OSBPL3: variants seen among roughly 807,000 people sequenced by gnomAD.
OSBPL3 encodes the protein oxysterol binding protein like 3.
Under a neutral mutation model 120.1 loss-of-function variants are expected in OSBPL3, and 65 were observed. The observed-to-expected ratio is 0.54, with a 90% CI of 0.44 to 0.67. The LOEUF is 0.67. OSBPL3 is among the 30% of genes least tolerant of loss of function. The pLI is 0.00. For synonymous variants in OSBPL3, 416 were observed against 402.6 expected, an observed-to-expected ratio of 1.03 and a Z score of -0.40; for missense variants, 1,004 against 1,082.1, an observed-to-expected ratio of 0.93 and a Z score of 1.01.
chr7:24,841,751 A>G (rs912381986), intron 13 of OSBPL3, among the ~76,000 whole-genome samples: 2 of 147,658 alleles, frequency 1.4e-5, no homozygotes, highest in Non-Finnish European at 3.0e-5. Context: ...CACGCCTGTA[A>G]TCCCAGCACT....
intron 1 of OSBPL3, among the ~76,000 whole-genome samples, chr7:24,962,427 AGAGGAGAGAG>A (rs1174103215): frequency 0.078 from 4,191 of 53,452 alleles, 166 homozygotes; most frequent in Non-Finnish European, 0.092. Context: ...AGGGGAGGGG[AGAGGAGAGAG>A]GAGGAGAGAG....
At chr7:24,892,278 A>G in intron 2 of OSBPL3, 99 bp downstream of exon 2, 1 of 1,221,292 alleles carries the variant, frequency 8.2e-7, no homozygotes, top group Non-Finnish European at 1.2e-6. Flanking sequence ...AATGCTCTTA[A>G]ACTGAGAAGT....
rs1813699007 is a variant in OSBPL3 at position 24,946,121 on chromosome 7, T to G, written c.-150+33765A>C. On this transcript the variant is annotated intron_variant, in intron 1 of 22. Coordinates refer to ENST00000313367, the MANE Select transcript of OSBPL3 (RefSeq NM_015550.4). This position sits in a 1 kb window ranked among gnomAD's most constrained non-coding sequence, Gnocchi z 4.3. Reference sequence around the variant, plus strand: ...GCTCCCTCCCAAGGCTGGTAGTCAATGCCGGCTGTCAGCTGGGAGCTCAGC... The same window carrying G: ...GCTCCCTCCCAAGGCTGGTAGTCAAGGCCGGCTGTCAGCTGGGAGCTCAGC... Among the ~76,000 whole-genome samples, 1 of 151,892 alleles carries G rather than the reference T, an allele frequency of 6.6e-6. No individual in the cohort carries two copies. Among genetic ancestry groups the G allele is most frequent in the Non-Finnish European group, 1.5e-5 (1 of 68,002 alleles).
Position 24,839,991 on chromosome 7 carries a change from C to CA in OSBPL3, c.1495+698dup, listed in dbSNP as rs71675250. On this transcript the variant is annotated intron_variant, in intron 14 of 22. Transcript: ENST00000313367. ...GGGGACAGAAAGAGACTCCATCTCA[C>CA]AAAAAAAAAAAAAAAAAAAAAAAAA... 2.8e-3 allele frequency among the ~76,000 whole-genome samples: 149 copies of CA among 53,294 alleles called. 16 individuals are homozygous for CA. Among genetic ancestry groups the CA allele is most frequent in the South Asian group, 1.0e-2 (11 of 1,102 alleles). 35.0% of individuals were successfully genotyped at this position (53,294 alleles called of 152,430 possible).
In OSBPL3 at chr7:24,947,550, G is replaced by A. The variant is rs1334118404; in HGVS notation, c.-150+32336C>T. 6.6e-6 allele frequency among the ~76,000 whole-genome samples: 1 copy of A among 152,040 alleles called. No homozygotes were observed. The highest frequency in any genetic ancestry group is 1.5e-5 in the Non-Finnish European group (1 of 68,006). On this transcript the variant is annotated intron_variant, in intron 1 of 22. Transcript: ENST00000313367. This position sits in a 1 kb window ranked among gnomAD's most constrained non-coding sequence, Gnocchi z 4.4. ...TCCCTATCAAGAAATGAATTTCAAAGTAACATTTTTAGCATAATATTTAAT... is the reference window on the plus strand; with the variant it reads ...TCCCTATCAAGAAATGAATTTCAAAATAACATTTTTAGCATAATATTTAAT...
Position 24,804,281 on chromosome 7 carries a change from A to G in OSBPL3, c.2567+34T>C. On this transcript the variant is annotated intron_variant, in intron 22 of 22. Transcript: ENST00000313367. This position sits in a 1 kb window ranked among gnomAD's most constrained non-coding sequence, Gnocchi z 5.4. ...GAAGCATAACGTGCTGGCACCACCTATCAACCAAAAACCTACTCAATCCAG... is the reference window on the plus strand; with the variant it reads ...GAAGCATAACGTGCTGGCACCACCTGTCAACCAAAAACCTACTCAATCCAG... The G allele has an allele frequency of 6.2e-7, 1 of 1,613,856 alleles. No homozygotes were observed. Among genetic ancestry groups the G allele is most frequent in the Non-Finnish European group, 8.5e-7 (1 of 1,179,808 alleles).
In OSBPL3 at chr7:24,932,604, A is replaced by C. The variant is rs1195806285; in HGVS notation, c.-149-39983T>G. ...CCCACAGAGCTGCCTTGTCCCTTCC[A>C]CCCTGTGAGCACACAGCAAAAAGGC... On this transcript the variant is annotated intron_variant, in intron 1 of 22. Transcript: ENST00000313367. The surrounding 1 kb of genome is among the most constrained non-coding windows in gnomAD (Gnocchi z 5.6). Among the ~76,000 whole-genome samples the C allele has an allele frequency of 1.3e-5, 2 of 152,108 alleles. No individual in the cohort carries two copies. Among genetic ancestry groups the C allele is most frequent in the African/African-American group, 4.8e-5 (2 of 41,410 alleles).
rs983758027 is a variant in OSBPL3 at position 24,822,280 on chromosome 7, G to T, written c.1885-2042C>A. Reference sequence around the variant, plus strand: ...TCTTTCGATGAAAACAACGGAGCTAGCTTTGAAACCATGGGATCATATAAA... The same window carrying T: ...TCTTTCGATGAAAACAACGGAGCTATCTTTGAAACCATGGGATCATATAAA... On this transcript the variant is annotated intron_variant, in intron 16 of 22. Coordinates refer to ENST00000313367, the MANE Select transcript of OSBPL3 (RefSeq NM_015550.4). The surrounding 1 kb of genome is among the most constrained non-coding windows in gnomAD (Gnocchi z 5.8). Among the ~76,000 whole-genome samples, 1 of 152,140 alleles carries T rather than the reference G, an allele frequency of 6.6e-6. No homozygotes were observed. The highest frequency in any genetic ancestry group is 1.5e-5 in the Non-Finnish European group (1 of 68,036).
rs1179883250 is a variant in OSBPL3 at position 24,891,436 on chromosome 7, G to A, written c.96+941C>T. Reference sequence around the variant, plus strand: ...ATAAACGTGTAGACGTGACTGAGGTGGGAGTTGCTTAATTGCTGCTTCCAA... The same window carrying A: ...ATAAACGTGTAGACGTGACTGAGGTAGGAGTTGCTTAATTGCTGCTTCCAA... On this transcript the variant is annotated intron_variant, in intron 2 of 22. Coordinates refer to ENST00000313367, the MANE Select transcript of OSBPL3 (RefSeq NM_015550.4). The surrounding 1 kb of genome is among the most constrained non-coding windows in gnomAD (Gnocchi z 4.1). Among the ~76,000 whole-genome samples the A allele has an allele frequency of 6.6e-6, 1 of 152,162 alleles. No homozygotes were observed. Among genetic ancestry groups the A allele is most frequent in the Admixed American group, 6.5e-5 (1 of 15,278 alleles).
rs1449559852 is a variant in OSBPL3 at position 24,871,053 on chromosome 7, G to A, written c.268-208C>T. On this transcript the variant is annotated intron_variant, in intron 4 of 22. Coordinates refer to ENST00000313367, the MANE Select transcript of OSBPL3 (RefSeq NM_015550.4). The surrounding 1 kb of genome is among the most constrained non-coding windows in gnomAD (Gnocchi z 4.8). Reference sequence around the variant, plus strand: ...TAGGAAGTACTCTCCCCATTTTACAGATGAAGAAACTGGAGTACAAAGGGG... The same window carrying A: ...TAGGAAGTACTCTCCCCATTTTACAAATGAAGAAACTGGAGTACAAAGGGG... Among the ~76,000 whole-genome samples, 1 of 152,224 alleles carries A rather than the reference G, an allele frequency of 6.6e-6. No individual in the cohort carries two copies. Among genetic ancestry groups the A allele is most frequent in the Non-Finnish European group, 1.5e-5 (1 of 68,044 alleles).
In OSBPL3 at chr7:24,831,199, C is replaced by A. The variant is rs1187731503; in HGVS notation, c.1747-294G>T. ...AACTGGACTACACTGTTTCTGGAAACTGTTAAGCTGAGTCCAGTACTTTTA... is the reference window on the plus strand; with the variant it reads ...AACTGGACTACACTGTTTCTGGAAAATGTTAAGCTGAGTCCAGTACTTTTA... On this transcript the variant is annotated intron_variant, in intron 15 of 22. Transcript: ENST00000313367. The surrounding 1 kb of genome is among the most constrained non-coding windows in gnomAD (Gnocchi z 4.0). 1.3e-5 allele frequency among the ~76,000 whole-genome samples: 2 copies of A among 152,150 alleles called. No individual in the cohort carries two copies. Among genetic ancestry groups the A allele is most frequent in the Non-Finnish European group, 2.9e-5 (2 of 68,012 alleles).
intron 1 of OSBPL3, among the ~76,000 whole-genome samples, chr7:24,970,063 T>C (rs573993157): frequency 6.6e-6 from 1 of 151,728 alleles, no homozygotes; most frequent in East Asian, 1.9e-4. Flanking sequence ...ACCTACCACT[T>C]CTGCCTAGAA....
At chr7:24,838,373 G>C (rs1247122471) in intron 14 of OSBPL3, among the ~76,000 whole-genome samples, 2 of 152,098 alleles carry the variant, frequency 1.3e-5, no homozygotes, top group African/African-American at 4.8e-5. Flanking sequence ...GTGCGTGCCT[G>C]TAATCCTAGC....
upstream of OSBPL3, chr7:24,980,204 C>T (rs1019294375): frequency 7.3e-6 from 2 of 275,082 alleles, no homozygotes; most frequent in Non-Finnish European, 1.1e-5. Context: ...GCGATTAGCC[C>T]GAGGAGCCGC....
At position 24,898,455 on chromosome 7, in the gene OSBPL3, T is replaced by A. The variant is rs920014090; in HGVS notation, c.-149-5834A>T. Among the ~76,000 whole-genome samples, 3 of 152,122 alleles carry A rather than the reference T, an allele frequency of 2.0e-5. No homozygotes were observed. Among genetic ancestry groups the A allele is most frequent in the African/African-American group, 7.2e-5 (3 of 41,396 alleles). On this transcript the variant is annotated intron_variant, in intron 1 of 22. Transcript: ENST00000313367. The surrounding 1 kb of genome is among the most constrained non-coding windows in gnomAD (Gnocchi z 4.3). ...CTCCACAAACCATTTTTTTTTTAAA[T>A]CTTATTCTCACTTTTGGCAAGACAG...
intron 1 of OSBPL3, among the ~76,000 whole-genome samples, chr7:24,977,708 T>C (rs1817739230): frequency 6.6e-6 from 1 of 151,996 alleles, no homozygotes; most frequent in Admixed American, 6.6e-5. Context: ...TACAAAAAAT[T>C]AGCCGGTCGT....
Position 24,849,233 on chromosome 7 carries a change from C to A in OSBPL3, c.1159-57G>T. ...AATAAATGGATGTTTCAGAAAAGCA[C>A]AGCAGTGGGCCCTGCAGGAGCGATC... is the stretch of plus-strand genomic sequence containing the variant. On this transcript the variant is annotated intron_variant, in intron 11 of 22. Coordinates refer to ENST00000313367, the MANE Select transcript of OSBPL3 (RefSeq NM_015550.4). This position sits in a 1 kb window ranked among gnomAD's most constrained non-coding sequence, Gnocchi z 5.4. 1 of 1,313,648 alleles carries A rather than the reference C, an allele frequency of 7.6e-7. No homozygotes were observed. The highest frequency in any genetic ancestry group is 1.7e-5 in the Admixed American group (1 of 57,864). 81.4% of individuals were successfully genotyped at this position (1,313,648 alleles called of 1,614,324 possible).
At chr7:24,943,477 T>C (rs540666561) in intron 1 of OSBPL3, among the ~76,000 whole-genome samples, 1 of 152,368 alleles carries the variant, frequency 6.6e-6, no homozygotes, top group East Asian at 1.9e-4. Context: ...TTGAAGTTTA[T>C]CACCTCAAAT....
At position 24,854,377 on chromosome 7, in the gene OSBPL3, T is replaced by C. The variant is rs1432909414; in HGVS notation, c.1028-1743A>G. On this transcript the variant is annotated intron_variant, in intron 10 of 22. Coordinates refer to ENST00000313367, the MANE Select transcript of OSBPL3 (RefSeq NM_015550.4). This position sits in a 1 kb window ranked among gnomAD's most constrained non-coding sequence, Gnocchi z 4.1. ...AAATAGGCATTATTGACTTACTTCA[T>C]TTAATAGCAAGGAGGACAACTAAAC... Among the ~76,000 whole-genome samples, 1 of 152,152 alleles carries C rather than the reference T, an allele frequency of 6.6e-6. No homozygotes were observed. The highest frequency in any genetic ancestry group is 2.4e-5 in the African/African-American group (1 of 41,436).
Sources: gnomAD v4.1 joint callset for allele counts (sites outside exome capture counted in the v4.1 genomes callset) on GRCh38, gnomAD v4.1.1 for gene constraint, Gnocchi (gnomAD v3.1) non-coding constraint, MANE v1.5 for transcripts, NCBI Gene and HGNC (gene_info 2026-07-23, HGNC 2026-07-21) for gene names.